The following MOSMO variants were observed in gnomAD, a reference collection of about 807,000 sequenced individuals.
MOSMO encodes modulator of smoothened protein.
In MOSMO, 5 loss-of-function variants were observed where a neutral mutation model predicts 18.4. The ratio of observed to expected loss-of-function variants is 0.27; its 90% CI spans 0.14 to 0.57. The LOEUF (loss-of-function observed/expected upper bound fraction) is 0.57, where lower values mean the gene tolerates loss of function less well. Ranked by LOEUF, MOSMO falls within the 20% of genes least tolerant of loss-of-function variation. MOSMO has a pLI of 0.92. For missense variants in MOSMO, 138 were observed against 211.8 expected (o/e 0.65, Z 2.16); for synonymous variants, 82 against 82.3 (o/e 1.00, Z 0.02).
chr16:22,081,378 T>C lies in MOSMO; in HGVS notation c.*498T>C, dbSNP rs1598028993. The C allele has an allele frequency of 1.3e-5, 2 of 152,008 alleles. No homozygotes were observed. The highest frequency in any genetic ancestry group is 3.9e-4 in the East Asian group (2 of 5,176). 9.4% of individuals were successfully genotyped at this position (152,008 alleles called of 1,614,324 possible). ...TGTTCACAACTTCCTTGTAATAGTA[T>C]GAGCCTTTGGCACCAGAATGGATTG... On this transcript the variant is annotated 3_prime_UTR_variant, in exon 3 of 3. Transcript: ENST00000542527.
Position 22,075,608 on chromosome 16 carries a change from C to T in MOSMO, c.228C>T (p.Ile76=), listed in dbSNP as rs1367024458. 2 of 1,537,246 alleles carry T rather than the reference C, an allele frequency of 1.3e-6. No homozygotes were observed. The highest frequency in any genetic ancestry group is 1.7e-6 in the Non-Finnish European group (2 of 1,146,934). ...CACTGTTTTTTATCATCATGGGAAT[C>T]ATTTCATTGACTGTCACATGTGGTT... The part of the protein sequence containing the change: ...VTTLFFIIMG[I]ISLTVTCGLL... The change falls in exon 2 of 3, where the codon ATC becomes ATT. Residue 76 remains isoleucine, a synonymous_variant. Transcript: ENST00000542527.
chr16:22,051,591 C>G (rs1900428759), intron 1 of MOSMO, among the ~76,000 whole-genome samples: 1 of 152,088 alleles, frequency 6.6e-6, no homozygotes, highest in Non-Finnish European at 1.5e-5. Context: ...CCATACCTCA[C>G]CCTACACATC....
At chr16:22,065,290 A>G (rs1900728345) in intron 1 of MOSMO, among the ~76,000 whole-genome samples, 1 of 152,212 alleles carries the variant, frequency 6.6e-6, no homozygotes, top group African/African-American at 2.4e-5. Context: ...AAAGAAAATC[A>G]AACTTAAAGG....
Position 22,061,909 on chromosome 16 carries a change from T to A in MOSMO, c.107-13578T>A, listed in dbSNP as rs570211976. On this transcript the variant is annotated intron_variant, in intron 1 of 2. Transcript: ENST00000542527. ...ATATCACCTTACATTTTTAATCTTA[T>A]GCTGAATTTAACTACAATGAGAAAA... Among the ~76,000 whole-genome samples, 5 of 152,352 alleles carry A rather than the reference T, an allele frequency of 3.3e-5. No individual in the cohort carries two copies. In the East Asian group the frequency reaches 9.6e-4, roughly 29 times the overall value.
chr16:22,039,589 TG>T (rs1900172007), intron 1 of MOSMO, among the ~76,000 whole-genome samples: 3 of 152,266 alleles, frequency 2.0e-5, no homozygotes, highest in East Asian at 1.9e-4. Context: ...CCTAGCACTT[TG>T]GGGGGCCAAG....
At chr16:22,080,640 G>GT in intron 2 of MOSMO, 56 bp from the exon 3 acceptor site, 3 of 1,214,092 alleles carry the variant, frequency 2.5e-6, no homozygotes, top group Non-Finnish European at 3.2e-6. Flanking sequence ...AATTTTCATT[G>GT]TTTTTTGAAA....
chr16:22,036,082 A>G (rs1267088344), intron 1 of MOSMO, among the ~76,000 whole-genome samples: 5 of 152,152 alleles, frequency 3.3e-5, no homozygotes, highest in Non-Finnish European at 7.3e-5. Context: ...GTCGAATAGA[A>G]TTTGGAAAAG....
chr16:22,012,708 A>G (rs890136198), intron 1 of MOSMO, among the ~76,000 whole-genome samples: 2 of 148,792 alleles, frequency 1.3e-5, no homozygotes, highest in African/African-American at 5.0e-5. Flanking sequence ...CTCTGTTCTC[A>G]GCTTCTACTT....
chr16:22,054,879 A>T (rs982693370), intron 1 of MOSMO, among the ~76,000 whole-genome samples: 13 of 151,758 alleles, frequency 8.6e-5, no homozygotes, highest in African/African-American at 3.1e-4. Context: ...TTTGGGTCTT[A>T]TTACTAAATT....
chr16:22,032,999 G>A (rs1900027680), intron 1 of MOSMO, among the ~76,000 whole-genome samples: 1 of 152,148 alleles, frequency 6.6e-6, no homozygotes. Flanking sequence ...GATCATAAAT[G>A]TGAGAGTTTA....
At chr16:22,089,003 A>G (rs1475395189), downstream of MOSMO, among the ~76,000 whole-genome samples, 2 of 140,626 alleles carry the variant, frequency 1.4e-5, no homozygotes, top group African/African-American at 5.2e-5. Context: ...TTGTTGAGAG[A>G]AAAAAAAAAA....
At chr16:22,012,228 G>C (rs761502345) in intron 1 of MOSMO, among the ~76,000 whole-genome samples, 1 of 152,144 alleles carries the variant, frequency 6.6e-6, no homozygotes, top group Admixed American at 6.6e-5. Context: ...GAAAACCACG[G>C]CAGTGAACTA....
intron 1 of MOSMO, 184 bp from the exon 2 acceptor site, chr16:22,075,303 G>A: frequency 1.4e-6 from 1 of 692,146 alleles, no homozygotes; most frequent in Non-Finnish European, 2.6e-6. Context: ...GGTTCACTTT[G>A]TATGTTAAAC....
rs370452510 is a variant in MOSMO at position 22,017,335 on chromosome 16, C to T, written c.106+8928C>T. 5.3e-4 allele frequency among the ~76,000 whole-genome samples: 81 copies of T among 152,278 alleles called. No homozygotes were observed. In the South Asian group the frequency reaches 0.012, roughly 23 times the overall value. ...TTAGGTTGTACGGTGACAGCAGTGA[C>T]AAGTATATAGGTATAAATTTCATAT... On this transcript the variant is annotated intron_variant, in intron 1 of 2. Coordinates refer to ENST00000542527, the MANE Select transcript of MOSMO (RefSeq NM_001164579.2).
chr16:22,012,728 T>C (rs1008562906), intron 1 of MOSMO, among the ~76,000 whole-genome samples: 1 of 117,284 alleles, frequency 8.5e-6, no homozygotes, highest in African/African-American at 3.3e-5. Context: ...TGAACTACCA[T>C]AGAAGGAATA....
intron 1 of MOSMO, among the ~76,000 whole-genome samples, chr16:22,036,970 C>CCT (rs1170751716): frequency 2.0e-5 from 3 of 152,138 alleles, no homozygotes; most frequent in African/African-American, 7.2e-5. Flanking sequence ...AATGAAAAGT[C>CCT]ATCAGCCTAT....
intron 1 of MOSMO, among the ~76,000 whole-genome samples, chr16:22,022,945 TAA>T (rs1899795172): frequency 6.6e-6 from 1 of 152,174 alleles, no homozygotes; most frequent in Non-Finnish European, 1.5e-5. Flanking sequence ...CCAAATGGAC[TAA>T]GACAGTAACC....
intron 1 of MOSMO, among the ~76,000 whole-genome samples, chr16:22,026,375 A>T (rs1598000680): frequency 1.3e-5 from 2 of 151,788 alleles, no homozygotes; most frequent in African/African-American, 4.8e-5. Flanking sequence ...CGTGCTACCA[A>T]GCCCAGCTAA....
chr16:22,033,888 TAACAC>T (rs1900048916), intron 1 of MOSMO, among the ~76,000 whole-genome samples: 1 of 152,158 alleles, frequency 6.6e-6, no homozygotes, highest in Non-Finnish European at 1.5e-5. Flanking sequence ...CAAAATCATC[TAACAC>T]AAGGCTATTT....
Sources: allele counts gnomAD v4.1 joint callset (sites outside exome capture counted in the v4.1 genomes callset), GRCh38; gene constraint gnomAD v4.1.1; transcripts MANE v1.5; gene names NCBI Gene and HGNC (gene_info 2026-07-23, HGNC 2026-07-21).